Variants in PIK3C2G observed in about 807,000 individuals in gnomAD.
PIK3C2G encodes phosphatidylinositol 3-kinase C2 domain-containing subunit gamma.
Under a neutral mutation model 181.1 loss-of-function variants are expected in PIK3C2G, and 168 were observed. The observed-to-expected ratio is 0.93, with a 90% CI of 0.82 to 1.05. PIK3C2G has a LOEUF of 1.05. PIK3C2G is among the 50% of genes least tolerant of loss of function. The pLI is 0.00. For synonymous variants in PIK3C2G, 573 were observed against 592.2 expected, an observed-to-expected ratio of 0.97 and a Z score of 0.47; for missense variants, 1,869 against 1,732.8, an observed-to-expected ratio of 1.08 and a Z score of -1.40.
chr12:18,720,092 T>C, the PIK3C2G span, among the ~76,000 whole-genome samples: 1 of 152,136 alleles, frequency 6.6e-6, no homozygotes, highest in East Asian at 1.9e-4. Context: ...GCACTTTATA[T>C]GAATTGACTC....
chr12:18,243,843 A>C (rs964781508), upstream of PIK3C2G, among the ~76,000 whole-genome samples: 1 of 151,986 alleles, frequency 6.6e-6, no homozygotes, highest in African/African-American at 2.4e-5. Context: ...AACAGAAAAA[A>C]AACAGAAGAC....
the PIK3C2G span, among the ~76,000 whole-genome samples, chr12:18,656,938 A>G: frequency 0.84 from 127,403 of 151,868 alleles, 53,546 homozygotes; most frequent in African/African-American, 0.87. Context: ...CTCCCAGCTC[A>G]ACTTTTTAAG....
intron 18 of PIK3C2G, among the ~76,000 whole-genome samples, chr12:18,475,708 G>A (rs1473765871): frequency 1.3e-5 from 2 of 152,062 alleles, no homozygotes; most frequent in African/African-American, 4.8e-5. Context: ...AGTTTAATCA[G>A]TTTGTAATTA....
chr12:18,604,171 T>C (rs1947887612), intron 30 of PIK3C2G, among the ~76,000 whole-genome samples: 1 of 152,166 alleles, frequency 6.6e-6, no homozygotes, highest in Non-Finnish European at 1.5e-5. Context: ...TAAGCATTCA[T>C]ATAAACTTAG....
At chr12:18,352,743 G>A (rs993414383) in intron 11 of PIK3C2G, among the ~76,000 whole-genome samples, 1 of 152,200 alleles carries the variant, frequency 6.6e-6, no homozygotes, top group Non-Finnish European at 1.5e-5. Flanking sequence ...AAAGGGGATG[G>A]AGTGGGGAGG....
chr12:18,269,245 G>A (rs1425198705), intron 1 of PIK3C2G, among the ~76,000 whole-genome samples: 1 of 151,994 alleles, frequency 6.6e-6, no homozygotes, highest in African/African-American at 2.4e-5. Context: ...ATATCCTCAT[G>A]CTAACAATTA....
Position 18,635,700 on chromosome 12 carries a change from C to T in PIK3C2G, c.4183-4729C>T, listed in dbSNP as rs150260239. Reference sequence around the variant, plus strand: ...TTAAGCACCATTAGATCTACTGGATCATGTAACCCATGTGGCAAAGCAGCT... The same window carrying T: ...TTAAGCACCATTAGATCTACTGGATTATGTAACCCATGTGGCAAAGCAGCT... On this transcript the variant is annotated intron_variant, in intron 31 of 32. Transcript: ENST00000538779. Among the ~76,000 whole-genome samples, 865 of 152,290 alleles carry T rather than the reference C, an allele frequency of 5.7e-3. 2 individuals carry two copies. Among genetic ancestry groups the T allele is most frequent in the Middle Eastern group, 0.014 (4 of 294 alleles).
chr12:18,613,827 A>G (rs1948465168), intron 31 of PIK3C2G, among the ~76,000 whole-genome samples: 3 of 152,076 alleles, frequency 2.0e-5, no homozygotes, highest in Admixed American at 1.3e-4. Context: ...TCTACACACA[A>G]TGTGGTGAGT....
At chr12:18,374,279 C>T (rs958556021) in intron 13 of PIK3C2G, among the ~76,000 whole-genome samples, 3 of 152,044 alleles carry the variant, frequency 2.0e-5, no homozygotes, top group Non-Finnish European at 2.9e-5. Flanking sequence ...TCAAAAAAGG[C>T]CTAAAATAAA....
chr12:18,375,397 A>C (rs183160485), intron 13 of PIK3C2G, among the ~76,000 whole-genome samples: 1 of 152,372 alleles, frequency 6.6e-6, no homozygotes, highest in Non-Finnish European at 1.5e-5. Context: ...AGAGTATCTG[A>C]CAAGAGAAAT....
At chr12:18,655,750 GAA>G in the PIK3C2G span, among the ~76,000 whole-genome samples, 3,096 of 144,960 alleles carry the variant, frequency 0.021, 39 homozygotes, top group African/African-American at 0.046. Context: ...ACCTTATCAT[GAA>G]AAAAAAAAAA....
At chr12:18,550,691 A>G (rs1192582648) in intron 26 of PIK3C2G, among the ~76,000 whole-genome samples, 1 of 152,040 alleles carries the variant, frequency 6.6e-6, no homozygotes, top group Non-Finnish European at 1.5e-5. Context: ...CTGATAGGCT[A>G]AAAGTATTTT....
intron 18 of PIK3C2G, among the ~76,000 whole-genome samples, chr12:18,474,645 TTAAAG>T (rs1183212185): frequency 4.6e-5 from 7 of 152,154 alleles, no homozygotes; most frequent in South Asian, 4.1e-4. Context: ...AGAAAAAAAG[TTAAAG>T]TAAAGCATAC....
the PIK3C2G span, among the ~76,000 whole-genome samples, chr12:18,724,236 TGGGA>T: frequency 6.6e-6 from 1 of 151,980 alleles, no homozygotes; most frequent in Non-Finnish European, 1.5e-5. Context: ...GAAATTCAAG[TGGGA>T]GGTGGTGAAT....
rs187308065 is a variant in PIK3C2G at position 18,399,788 on chromosome 12, C to A, written c.2256C>A (p.Thr752=). 6.2e-7 allele frequency: 1 copy of A among 1,605,696 alleles called. No homozygotes were observed. The highest frequency in any genetic ancestry group is 2.2e-5 in the East Asian group (1 of 44,794). The change falls in exon 16 of 33, where the codon ACC becomes ACA. Residue 752 remains threonine, a synonymous_variant. Coordinates refer to ENST00000538779, the MANE Select transcript of PIK3C2G (RefSeq NM_001288772.2). Reference sequence around the variant, plus strand: ...AAAGGACTGTTTCAGAAATGCATACCATTTTGAGAAGATGGACATTTTCTC... The same window carrying A: ...AAAGGACTGTTTCAGAAATGCATACAATTTTGAGAAGATGGACATTTTCTC... ...WDERTVSEMH[T]ILRRWTFSQP...
intron 24 of PIK3C2G, among the ~76,000 whole-genome samples, chr12:18,521,586 T>A (rs1039322435): frequency 6.6e-6 from 1 of 152,198 alleles, no homozygotes; most frequent in African/African-American, 2.4e-5. Flanking sequence ...AGACCAAGCT[T>A]TCCAGCCTCC....
the PIK3C2G span, among the ~76,000 whole-genome samples, chr12:18,654,397 C>T: frequency 0.71 from 107,417 of 151,796 alleles, 38,202 homozygotes; most frequent in Admixed American, 0.77. Flanking sequence ...CTTTTTAAAA[C>T]TCCTCTTAAA....
the PIK3C2G span, among the ~76,000 whole-genome samples, chr12:18,710,493 T>C: frequency 6.6e-6 from 1 of 151,938 alleles, no homozygotes; most frequent in Non-Finnish European, 1.5e-5. Flanking sequence ...TTGTACAAAT[T>C]TCAGCTTTTA....
intron 31 of PIK3C2G, among the ~76,000 whole-genome samples, chr12:18,625,657 A>G (rs996340096): frequency 1.3e-5 from 2 of 151,794 alleles, no homozygotes; most frequent in Non-Finnish European, 3.0e-5. Context: ...AGAAGAATCT[A>G]TCCCTTCAGA....
Sources: allele counts gnomAD v4.1 joint callset (sites outside exome capture counted in the v4.1 genomes callset), GRCh38; gene constraint gnomAD v4.1.1; transcripts MANE v1.5; gene names NCBI Gene and HGNC (gene_info 2026-07-23, HGNC 2026-07-21).